The following PSMG4 variants were observed in gnomAD, a reference collection of about 807,000 sequenced individuals.
PSMG4 encodes proteasome assembly chaperone 4.
A neutral mutation model predicts 11.0 loss-of-function variants in PSMG4; 10 were observed. The observed-to-expected ratio is 0.91, with a 90% confidence interval of 0.56 to 1.54. The LOEUF (loss-of-function observed/expected upper bound fraction) is 1.54. Among genes scored for constraint, PSMG4 ranks in the 40% most tolerant of loss-of-function variants. PSMG4 has a pLI of 0.00. For synonymous variants in PSMG4, 95 were observed against 71.3 expected (o/e 1.33, Z -1.68); for missense variants, 198 against 160.9 (o/e 1.23, Z -1.25).
Position 3,259,728 on chromosome 6 carries a change from G to T in PSMG4, c.174+532G>T, listed in dbSNP as rs149956374. On this transcript the variant is annotated intron_variant, in intron 1 of 2. Coordinates refer to ENST00000438998, the MANE Select transcript of PSMG4 (RefSeq NM_001128591.2). ...TGATTCCTCTTTCTTCACACTCCAC[G>T]TGCTGAGTCCCTAGGCACTGCCGCC... Among the ~76,000 whole-genome samples the T allele has an allele frequency of 1.9e-3, 284 of 152,164 alleles. 2 individuals carry two copies. Among genetic ancestry groups the T allele is most frequent in the Admixed American group, 6.4e-3 (98 of 15,284 alleles).
chr6:3,261,731 G>A (rs1389569120), intron 1 of PSMG4, among the ~76,000 whole-genome samples: 2 of 152,190 alleles, frequency 1.3e-5, no homozygotes, highest in African/African-American at 4.8e-5. Context: ...GGAAGCCCAA[G>A]GTTCCTGTGA....
chr6:3,263,794 A>AG (rs1334648032), intron 2 of PSMG4, 35 bp downstream of exon 2: 4 of 1,540,874 alleles, frequency 2.6e-6, no homozygotes, highest in Non-Finnish European at 3.5e-6. Context: ...ATGGCCAGCC[A>AG]GGTGGGGCCC....
chr6:3,257,045 G>A (rs1757790739), upstream of PSMG4, among the ~76,000 whole-genome samples: 1 of 152,206 alleles, frequency 6.6e-6, no homozygotes, highest in South Asian at 2.1e-4. Context: ...ATCTTTCACT[G>A]TCACAGAGTG....
chr6:3,267,462 AT>A, intron 2 of PSMG4, 128 bp from the exon 3 acceptor site: 1 of 1,061,480 alleles, frequency 9.4e-7, no homozygotes, highest in Non-Finnish European at 1.3e-6. Context: ...AGGCATGGAG[AT>A]TAGAGCTTTC....
upstream of PSMG4, chr6:3,255,167 G>C (rs1561836887): frequency 1.9e-6 from 3 of 1,550,838 alleles, no homozygotes; most frequent in East Asian, 2.4e-5. Flanking sequence ...CATACTGACG[G>C]CTTACATGTG....
intron 2 of PSMG4, chr6:3,264,331 G>A (rs1758106209): frequency 6.5e-7 from 1 of 1,548,732 alleles, no homozygotes; most frequent in Non-Finnish European, 8.7e-7. Flanking sequence ...GCCAGGTAAG[G>A]CTTCCATGTG....
upstream of PSMG4, chr6:3,258,893 C>T (rs1209587665): frequency 2.0e-5 from 19 of 932,684 alleles, no homozygotes; most frequent in Non-Finnish European, 2.7e-5. Context: ...CCACGCCCCT[C>T]ACCCCCGCCC....
At chr6:3,262,856 A>G (rs1202627082) in intron 1 of PSMG4, among the ~76,000 whole-genome samples, 1 of 21,168 alleles carries the variant, frequency 4.7e-5, no homozygotes, top group African/African-American at 2.2e-4. Context: ...TATTTTTAAT[A>G]AAAATGTAGA....
At chr6:3,255,050 G>GGAACA (rs904294131), upstream of PSMG4, 10 of 1,550,596 alleles carry the variant, frequency 6.4e-6, no homozygotes, top group African/African-American at 1.1e-4. Flanking sequence ...TCTCTGGACA[G>GGAACA]GAACAAACAC....
upstream of PSMG4, chr6:3,255,230 G>GT (rs1757718564): frequency 6.5e-6 from 10 of 1,549,472 alleles, no homozygotes; most frequent in African/African-American, 4.1e-5. Flanking sequence ...ATCAACTCTG[G>GT]TAAGCCTTCC....
Position 3,259,144 on chromosome 6 carries a change from TG to T in PSMG4, c.127del (p.Ala43ProfsTer41), listed in dbSNP as rs1452754649. 7.7e-7 allele frequency: 1 copy of T among 1,301,658 alleles called. No individual in the cohort carries two copies. Among genetic ancestry groups the T allele is most frequent in the Non-Finnish European group, 9.8e-7 (1 of 1,024,858 alleles). 80.6% of individuals were successfully genotyped at this position (1,301,658 alleles called of 1,614,324 possible). ...MRLTDSLFLW[V>X]GATPHLRNLA... ...CTGACGGACTCGCTGTTCCTGTGGG[TG>T]GGGGCCACGCCGCACCTGCGCAACC... On this transcript the variant is annotated frameshift_variant, in exon 1 of 3. Transcript: ENST00000438998. LOFTEE classifies it high-confidence loss of function.
intron 2 of PSMG4, chr6:3,264,572 AGT>A: frequency 1.7e-6 from 1 of 585,604 alleles, no homozygotes; most frequent in Admixed American, 3.5e-5. Context: ...GGCAGGGTGG[AGT>A]GTCACCAGCA....
chr6:3,255,422 A>G (rs959275286), upstream of PSMG4, among the ~76,000 whole-genome samples: 1 of 149,870 alleles, frequency 6.7e-6, no homozygotes, highest in Non-Finnish European at 1.5e-5. Context: ...CTTCGTGGAC[A>G]CTCCAGCCAC....
chr6:3,259,745 A>T (rs1248745000), intron 1 of PSMG4, among the ~76,000 whole-genome samples: 5 of 151,956 alleles, frequency 3.3e-5, no homozygotes, highest in Non-Finnish European at 5.9e-5. Flanking sequence ...GTCCCTAGGC[A>T]CTGCCGCCAG....
intron 2 of PSMG4, 185 bp from the exon 3 acceptor site, chr6:3,267,406 A>T: frequency 3.9e-6 from 2 of 508,916 alleles, no homozygotes; most frequent in Non-Finnish European, 6.7e-6. Flanking sequence ...AGAGACTGGG[A>T]GAGGCCTGAG....
At chr6:3,262,779 A>G (rs1029145617) in intron 1 of PSMG4, among the ~76,000 whole-genome samples, 48 of 95,400 alleles carry the variant, frequency 5.0e-4, no homozygotes, top group African/African-American at 1.7e-3. Flanking sequence ...TTTTGGCCAT[A>G]TTACCAATAA....
chr6:3,259,318 C>A, intron 1 of PSMG4, 122 bp downstream of exon 1: 2 of 937,450 alleles, frequency 2.1e-6, no homozygotes, highest in South Asian at 5.1e-5. Flanking sequence ...CCCCCGAAGC[C>A]CACCCGTGGG....
chr6:3,258,366 C>T (rs889930518), upstream of PSMG4, among the ~76,000 whole-genome samples: 3 of 152,312 alleles, frequency 2.0e-5, no homozygotes, highest in East Asian at 1.9e-4. Flanking sequence ...GCCTGCCCAT[C>T]CTCCTGCCAA....
At chr6:3,255,268 C>T (rs533289990), upstream of PSMG4, 213 of 1,545,010 alleles carry the variant, frequency 1.4e-4, 1 homozygote, top group South Asian at 1.9e-3. Context: ...GTTACCACGG[C>T]TGTCTTACGG....
Sources: allele counts gnomAD v4.1 joint callset (sites outside exome capture counted in the v4.1 genomes callset), GRCh38; gene constraint gnomAD v4.1.1; transcripts MANE v1.5; gene names NCBI Gene and HGNC (gene_info 2026-07-23, HGNC 2026-07-21).